LRRC28: variants seen among roughly 807,000 people sequenced by gnomAD.
LRRC28 encodes the protein leucine-rich repeat-containing protein 28.
Under a neutral mutation model 45.7 loss-of-function variants are expected in LRRC28, and 39 were observed. That is an observed-to-expected ratio of 0.85 (90% CI 0.66 to 1.12). LRRC28 has a LOEUF of 1.12. Ranked by LOEUF, LRRC28 falls within the 50% of genes most tolerant of loss-of-function variation. LRRC28 has a pLI of 0.00. For missense variants in LRRC28, 435 were observed against 438.5 expected, an observed-to-expected ratio of 0.99 and a Z score of 0.07; for synonymous variants, 206 against 178.8, an observed-to-expected ratio of 1.15 and a Z score of -1.22.
intron 5 of LRRC28, among the ~76,000 whole-genome samples, chr15:99,310,894 T>C (rs1477368764): frequency 6.6e-6 from 1 of 152,202 alleles, no homozygotes; most frequent in African/African-American, 2.4e-5. Flanking sequence ...CCTATTTTTC[T>C]TATCACTGTT....
chr15:99,305,320 G>GCTTTTA (rs1406143053), intron 5 of LRRC28, among the ~76,000 whole-genome samples: 2 of 152,068 alleles, frequency 1.3e-5, no homozygotes, highest in African/African-American at 2.4e-5. Flanking sequence ...GTCTTTCAGG[G>GCTTTTA]CTTTTACAGC....
chr15:99,288,765 C>T (rs1052382243), intron 5 of LRRC28, among the ~76,000 whole-genome samples: 3 of 151,580 alleles, frequency 2.0e-5, no homozygotes, highest in Non-Finnish European at 2.9e-5. Context: ...CTGCAGCCTC[C>T]GCCTCCCGGG....
rs553035138 is a variant in LRRC28, at chr15:99,317,020, G to C, written c.386-16903G>C. ...TGGGCCTTTTTTTTTTTTTTGGAGA[G>C]GTGGGGAAGGTTTTTTTTAAAGCAC... is the stretch of plus-strand genomic sequence containing the variant. On this transcript the variant is annotated intron_variant, in intron 5 of 9. Transcript: ENST00000301981. Among the ~76,000 whole-genome samples the C allele has an allele frequency of 6.0e-5, 9 of 150,776 alleles. No individual in the cohort carries two copies. The South Asian group carries it at 8.4e-4, about 14-fold the overall frequency.
At chr15:99,382,365 C>T (rs901099868) in intron 9 of LRRC28, among the ~76,000 whole-genome samples, 22 of 152,184 alleles carry the variant, frequency 1.4e-4, no homozygotes, top group Non-Finnish European at 7.4e-5. Flanking sequence ...GTGCCGTTTG[C>T]TCAGTTGGAA....
At position 99,377,231 on chromosome 15, in the gene LRRC28, C is replaced by T. The variant is rs373734699; in HGVS notation, c.1032-8799C>T. On this transcript the variant is annotated intron_variant, in intron 9 of 9. Transcript: ENST00000301981. ...TGTTGTTTCCTGACTTTTTAATGAT[C>T]GCCATTCTAACTGGTGTGAGATGGT... Among the ~76,000 whole-genome samples, 115 of 151,660 alleles carry T rather than the reference C, an allele frequency of 7.6e-4. 2 individuals carry two copies. The East Asian group carries it at 0.017, about 22-fold the overall frequency.
At chr15:99,332,648 G>T (rs562074739) in intron 5 of LRRC28, among the ~76,000 whole-genome samples, 207 of 152,228 alleles carry the variant, frequency 1.4e-3, no homozygotes, top group African/African-American at 4.5e-3. Flanking sequence ...TAAAAAACCA[G>T]TTTCAGCTTG....
At chr15:99,361,239 T>A in intron 7 of LRRC28, 97 bp from the exon 8 acceptor site, 1 of 1,409,630 alleles carries the variant, frequency 7.1e-7, no homozygotes, top group East Asian at 2.3e-5. Flanking sequence ...AGCAGTGTCA[T>A]AAATTTTCAA....
intron 7 of LRRC28, among the ~76,000 whole-genome samples, chr15:99,356,142 G>A (rs1482513461): frequency 1.3e-5 from 2 of 151,972 alleles, no homozygotes; most frequent in African/African-American, 4.8e-5. Flanking sequence ...GAGAACCCAG[G>A]GTCTCTACAA....
chr15:99,340,917 C>T (rs1956484565), intron 6 of LRRC28, among the ~76,000 whole-genome samples: 1 of 151,990 alleles, frequency 6.6e-6, no homozygotes, highest in Non-Finnish European at 1.5e-5. Flanking sequence ...AACAAAAATC[C>T]ATACAGATCT....
intron 2 of LRRC28, among the ~76,000 whole-genome samples, chr15:99,275,636 C>T (rs1421385163): frequency 1.3e-5 from 2 of 152,312 alleles, no homozygotes; most frequent in Non-Finnish European, 2.9e-5. Flanking sequence ...AGTCCACAAT[C>T]AAGGTGTGAT....
chr15:99,374,571 C>T (rs1055108730), intron 9 of LRRC28, among the ~76,000 whole-genome samples: 5 of 152,156 alleles, frequency 3.3e-5, no homozygotes, highest in Admixed American at 6.5e-5. Flanking sequence ...TCTTCCCTTC[C>T]AATCTGTATG....
chr15:99,308,455 T>A (rs749277335), intron 5 of LRRC28, among the ~76,000 whole-genome samples: 10 of 152,114 alleles, frequency 6.6e-5, no homozygotes, highest in Non-Finnish European at 1.2e-4. Context: ...TCGCTTAAGC[T>A]AGGAGTTCAA....
Position 99,311,797 on chromosome 15 carries a change from G to A in LRRC28, c.386-22126G>A, listed in dbSNP as rs143629636. On this transcript the variant is annotated intron_variant, in intron 5 of 9. Transcript: ENST00000301981. ...ATGTGCCACCCCTGCTCTAGAATAT[G>A]ATCTATCGGATATGGTAAATGTATG... Among the ~76,000 whole-genome samples the A allele has an allele frequency of 2.6e-3, 395 of 152,288 alleles. 5 individuals are homozygous for A. The highest frequency in any genetic ancestry group is 8.9e-3 in the African/African-American group (369 of 41,568).
chr15:99,313,473 TTGCAGCACACATAGAATATTCTTC>T (rs1248107669), intron 5 of LRRC28, among the ~76,000 whole-genome samples: 1 of 152,080 alleles, frequency 6.6e-6, no homozygotes, highest in South Asian at 2.1e-4. Flanking sequence ...CATTATTCTT[TTGCAGCACACATAGAATATTCTTC>T]TGCAGCACAC....
intron 5 of LRRC28, among the ~76,000 whole-genome samples, chr15:99,317,164 G>A (rs11247080): frequency 0.21 from 31,243 of 151,816 alleles, 3,447 homozygotes; most frequent in East Asian, 0.44. Flanking sequence ...CCTTGAGCAG[G>A]GTCCAAAATA....
At chr15:99,286,768 A>T (rs1322818229) in intron 3 of LRRC28, 1 of 152,354 alleles carries the variant, frequency 6.6e-6, no homozygotes, top group African/African-American at 2.4e-5. Context: ...GAGTATTTCT[A>T]CAGACACTGT....
chr15:99,289,408 T>C (rs944110296), intron 5 of LRRC28, among the ~76,000 whole-genome samples: 1 of 152,202 alleles, frequency 6.6e-6, no homozygotes, highest in East Asian at 1.9e-4. Flanking sequence ...AGCCTTTTAG[T>C]GTATCTAAGT....
chr15:99,268,834 T>G (rs2081398764), intron 2 of LRRC28, among the ~76,000 whole-genome samples: 2 of 152,218 alleles, frequency 1.3e-5, no homozygotes, highest in South Asian at 4.1e-4. Flanking sequence ...TTATGGCATG[T>G]TTATTAAATA....
intron 7 of LRRC28, among the ~76,000 whole-genome samples, chr15:99,360,070 GAA>G (rs1031437698): frequency 6.7e-6 from 1 of 150,134 alleles, no homozygotes; most frequent in African/African-American, 2.4e-5. Context: ...ACAAAACAAA[GAA>G]AAAAAAACCA....
Sources: allele counts gnomAD v4.1 joint callset (sites outside exome capture counted in the v4.1 genomes callset), GRCh38; gene constraint gnomAD v4.1.1; transcripts MANE v1.5; gene names NCBI Gene and HGNC (gene_info 2026-07-23, HGNC 2026-07-21).